The following TEP1 variants were observed in gnomAD, a reference collection of about 807,000 sequenced individuals.
TEP1 encodes the protein telomerase associated protein 1, also known as telomerase protein component 1.
Under a neutral mutation model 306.3 loss-of-function variants are expected in TEP1, and 241 were observed. The observed-to-expected ratio is 0.79, with a 90% CI of 0.71 to 0.88. The LOEUF is 0.88. Ranked by LOEUF, TEP1 falls within the 40% of genes least tolerant of loss-of-function variation. The probability of loss-of-function intolerance (pLI) is 0.00; values close to 1 mark genes in which losing one functional copy is unlikely to be tolerated. For missense variants in TEP1, 3,051 were observed against 3,276.1 expected (o/e 0.93, Z 1.68); for synonymous variants, 1,289 against 1,305.5 (o/e 0.99, Z 0.27).
At position 20,381,403 on chromosome 14, in the gene TEP1, T is replaced by C. The variant is rs1171498336; in HGVS notation, c.4559-2A>G. ...CGTCACATGTCTTCCAGAGCTGAGC[T>C]GCATGAACAGATATTGAGAAAGGCT... On this transcript the variant is annotated splice_acceptor_variant, in intron 31 of 54. Coordinates refer to ENST00000262715, the MANE Select transcript of TEP1 (RefSeq NM_007110.5). LOFTEE classifies it high-confidence loss of function. This position sits in a 1 kb window ranked among gnomAD's most constrained non-coding sequence, Gnocchi z 4.0. 1 of 1,614,110 alleles carries C rather than the reference T, an allele frequency of 6.2e-7. No individual in the cohort carries two copies. The highest frequency in any genetic ancestry group is 1.1e-5 in the South Asian group (1 of 91,090).
chr14:20,406,552 G>A, intron 2 of TEP1, 152 bp from the exon 3 acceptor site: 1 of 802,088 alleles, frequency 1.2e-6, no homozygotes, highest in South Asian at 1.7e-5. Flanking sequence ...CAGCACTGAT[G>A]TGTCCTGTCT....
At position 20,388,004 on chromosome 14, in the gene TEP1, A is replaced by G. The variant is rs763809958; in HGVS notation, c.2585T>C (p.Ile862Thr). ...TCCTGGGGGTGGTGGAATCTTGAAT[A>G]TTTTGTCCATTTGGCCCACATGTTC... ...LLEHVGQMDK[I>T]FKIPPPPGKT... Residue 862 changes from isoleucine to threonine, a missense_variant, in exon 18 of 55, where the codon ATA (isoleucine) becomes ACA (threonine). Transcript: ENST00000262715. 1 of 1,613,988 alleles carries G rather than the reference A, an allele frequency of 6.2e-7. No individual in the cohort carries two copies. Among genetic ancestry groups the G allele is most frequent in the South Asian group, 1.1e-5 (1 of 91,046 alleles).
chr14:20,377,588 C>G lies in TEP1; in HGVS notation c.5875+12G>C. 6.2e-7 allele frequency: 1 copy of G among 1,614,106 alleles called. No individual in the cohort carries two copies. Among genetic ancestry groups the G allele is most frequent in the Non-Finnish European group, 8.5e-7 (1 of 1,179,984 alleles). On this transcript the variant is annotated intron_variant, in intron 40 of 54. Coordinates refer to ENST00000262715, the MANE Select transcript of TEP1 (RefSeq NM_007110.5). The stretch of plus-strand genomic sequence containing the variant: ...TAAAGGCTCAAAAACCCACCCATTC[C>G]CATTTCAGTACCTGAAGAGATTTTG...
chr14:20,368,291 A>G lies in TEP1; in HGVS notation c.*146T>C. 1.2e-6 allele frequency: 1 copy of G among 861,558 alleles called. No homozygotes were observed. Among genetic ancestry groups the G allele is most frequent in the Non-Finnish European group, 1.7e-6 (1 of 589,062 alleles). The allele number at this position is 861,558 out of a possible 1,614,324, so 53.4% of individuals were successfully genotyped here. On this transcript the variant is annotated 3_prime_UTR_variant, in exon 55 of 55. Coordinates refer to ENST00000262715, the MANE Select transcript of TEP1 (RefSeq NM_007110.5). ...CTGTTCTAAATCCACATGAGAACACAGGCAGGCCTACACTTGAGATTTTTT... is the reference window on the plus strand; with the variant it reads ...CTGTTCTAAATCCACATGAGAACACGGGCAGGCCTACACTTGAGATTTTTT...
intron 12 of TEP1, among the ~76,000 whole-genome samples, chr14:20,393,636 AC>A (rs1877926713): frequency 6.6e-6 from 1 of 152,178 alleles, no homozygotes; most frequent in South Asian, 2.1e-4. Context: ...TACTAAAAAT[AC>A]AAAAATTAGC....
At position 20,384,439 on chromosome 14, in the gene TEP1, C is replaced by A; in HGVS notation, c.3291G>T (p.Gln1097His). The A allele has an allele frequency of 6.2e-7, 1 of 1,614,200 alleles. No homozygotes were observed. Among genetic ancestry groups the A allele is most frequent in the East Asian group, 2.2e-5 (1 of 44,876 alleles). ...TATTCCATACATCCTGCAGAACCAA[C>A]TGCCCAAACTCCTCCAGCCCGCCAA... ...PYVGGLEEFG[Q>H]LVLQDVWNMI... is the part of the protein sequence containing the mutation. The change falls in exon 23 of 55, where the codon CAG becomes CAT. Residue 1097 changes from glutamine to histidine, a missense_variant. Coordinates refer to ENST00000262715, the MANE Select transcript of TEP1 (RefSeq NM_007110.5).
chr14:20,383,210 G>T lies in TEP1; in HGVS notation c.4011C>A (p.Tyr1337Ter). 2 of 1,612,566 alleles carry T rather than the reference G, an allele frequency of 1.2e-6. No homozygotes were observed. Among genetic ancestry groups the T allele is most frequent in the South Asian group, 1.1e-5 (1 of 90,896 alleles). The change falls in exon 27 of 55, where the codon TAC becomes TAA. Residue 1337 changes from tyrosine to a stop codon, truncating the protein, a stop_gained. Transcript: ENST00000262715. LOFTEE classifies it high-confidence loss of function. ...ATGGTGACTCCTCCAGCCGCTTCCC[G>T]TACAGGGCCAGCTCCTCTCTCACCA... ...ARLVREELAL[Y>*]GKRLEESPFN...
rs1878911125 is a variant in TEP1 at position 20,403,368 on chromosome 14, G to A, written c.1266+9C>T. 6.8e-6 allele frequency: 11 copies of A among 1,613,792 alleles called. No individual in the cohort carries two copies. In the South Asian group the frequency reaches 8.8e-5, roughly 13 times the overall value. On this transcript the variant is annotated intron_variant, in intron 7 of 54. Coordinates refer to ENST00000262715, the MANE Select transcript of TEP1 (RefSeq NM_007110.5). ...ATGCACATATACAACCCCAGAAGAAGGGACTCACCTTTCTCTGCTCTTCTC... is the reference window on the plus strand; with the variant it reads ...ATGCACATATACAACCCCAGAAGAAAGGACTCACCTTTCTCTGCTCTTCTC...
chr14:20,381,636 G>T lies in TEP1; in HGVS notation c.4475C>A (p.Pro1492His). Residue 1492 changes from proline to histidine, a missense_variant, in exon 31 of 55, where the codon CCT becomes CAT. By Grantham distance (77) the Pro-to-His change is moderately conservative. Coordinates refer to ENST00000262715, the MANE Select transcript of TEP1 (RefSeq NM_007110.5). This position sits in a 1 kb window ranked among gnomAD's most constrained non-coding sequence, Gnocchi z 4.0. Reference protein sequence around the residue: ...LERPGARLCLPDGPLRTAAKR... With the variant: ...LERPGARLCLHDGPLRTAAKR... ...AGCTGCTGTTCTCAGGGGCCCATCAGGGAGGCACAGCCGGGCACCAGGGCG... is the reference window on the plus strand; with the variant it reads ...AGCTGCTGTTCTCAGGGGCCCATCATGGAGGCACAGCCGGGCACCAGGGCG... 1 of 1,613,882 alleles carries T rather than the reference G, an allele frequency of 6.2e-7. No individual in the cohort carries two copies. Among genetic ancestry groups the T allele is most frequent in the South Asian group, 1.1e-5 (1 of 91,064 alleles).
In TEP1 at chr14:20,387,970, C is replaced by G. The variant is rs375452214; in HGVS notation, c.2619G>C (p.Gly873=). The change falls in exon 18 of 55, where the codon GGG becomes GGC. Residue 873 remains glycine, a synonymous_variant. Coordinates refer to ENST00000262715, the MANE Select transcript of TEP1 (RefSeq NM_007110.5). ...FKIPPPPGKT[G]VQSLRPLEED... ...CTTCCAGTGGCCGGAGAGACTGGAC[C>G]CCTGTCTTTCCTGGGGGTGGTGGAA... 1.2e-5 allele frequency: 19 copies of G among 1,613,890 alleles called. No homozygotes were observed. In the Middle Eastern group the frequency reaches 4.9e-4, roughly 42 times the overall value.
intron 17 of TEP1, among the ~76,000 whole-genome samples, chr14:20,388,319 C>T (rs370161233): frequency 3.3e-5 from 5 of 152,094 alleles, no homozygotes; most frequent in African/African-American, 1.2e-4. Context: ...GCTGTTGGGC[C>T]GGGGCAACGG....
At position 20,407,004 on chromosome 14, in the gene TEP1, G is replaced by T. The variant is rs527927823; in HGVS notation, c.568-604C>A. On this transcript the variant is annotated intron_variant, in intron 2 of 54. Transcript: ENST00000262715. ...AATTAAAGCTCTAAAGGGTTAAGAGGTTGCCCAAGGTTGCATAGTTTGTAA... is the reference window on the plus strand; with the variant it reads ...AATTAAAGCTCTAAAGGGTTAAGAGTTTGCCCAAGGTTGCATAGTTTGTAA... 3.0e-3 allele frequency among the ~76,000 whole-genome samples: 461 copies of T among 152,340 alleles called. 3 individuals carry two copies. Among genetic ancestry groups the T allele is most frequent in the South Asian group, 0.016 (77 of 4,830 alleles).
rs1049753848 is a variant in TEP1 at position 20,369,401 on chromosome 14, A to T, written c.7599T>A (p.Ser2533Arg). 1.9e-6 allele frequency: 3 copies of T among 1,614,030 alleles called. No individual in the cohort carries two copies. Among genetic ancestry groups the T allele is most frequent in the Non-Finnish European group, 2.5e-6 (3 of 1,180,026 alleles). ...TTGGCTCACTATCCATGCTGGCATCACTATCCATGCTGGCATCAGATTCCC... is the reference window on the plus strand; with the variant it reads ...TTGGCTCACTATCCATGCTGGCATCTCTATCCATGCTGGCATCAGATTCCC... ...TCRESDASMDSDASMDSEPTP... is the reference protein window; with the variant it reads ...TCRESDASMDRDASMDSEPTP... Residue 2533 changes from serine to arginine, a missense_variant, in exon 53 of 55, where the codon AGT becomes AGA. Ser to Arg is a moderately radical substitution (Grantham distance 110). Coordinates refer to ENST00000262715, the MANE Select transcript of TEP1 (RefSeq NM_007110.5).
chr14:20,395,682 T>C, intron 11 of TEP1, 55 bp from the exon 12 acceptor site: 2 of 1,564,428 alleles, frequency 1.3e-6, no homozygotes, highest in Admixed American at 3.5e-5. Context: ...CCTCATCTTT[T>C]CCTACCAGTA....
chr14:20,401,307 G>A lies in TEP1; in HGVS notation c.1391+150C>T, dbSNP rs1878717289. The stretch of plus-strand genomic sequence containing the variant: ...TTTACAGGTGAGTCAGAAAAGGAAA[G>A]GCAGCAATTGGAAAGGCAGTCATGT... On this transcript the variant is annotated intron_variant, in intron 8 of 54. Transcript: ENST00000262715. 4 of 1,367,192 alleles carry A rather than the reference G, an allele frequency of 2.9e-6. No individual in the cohort carries two copies. In the South Asian group the frequency reaches 4.4e-5, roughly 15 times the overall value. 84.7% of individuals were successfully genotyped at this position (1,367,192 alleles called of 1,614,324 possible).
chr14:20,396,811 A>T, intron 9 of TEP1, 81 bp from the exon 10 acceptor site: 5 of 970,958 alleles, frequency 5.1e-6, no homozygotes, highest in Non-Finnish European at 6.2e-6. Context: ...CTCAGCTACC[A>T]AGGAGGCTGA....
intron 5 of TEP1, among the ~76,000 whole-genome samples, 195 bp from the exon 6 acceptor site, chr14:20,404,079 T>G (rs1225423093): frequency 6.6e-6 from 1 of 152,094 alleles, no homozygotes; most frequent in Non-Finnish European, 1.5e-5. Context: ...CTGGGCAGGG[T>G]GGCTCACCTT....
At position 20,378,010 on chromosome 14, in the gene TEP1, C is replaced by G. The variant is rs752287032; in HGVS notation, c.5721+14G>C. 2 of 1,612,354 alleles carry G rather than the reference C, an allele frequency of 1.2e-6. No homozygotes were observed. The highest frequency in any genetic ancestry group is 2.2e-5 in the South Asian group (2 of 91,068). ...TCCTCCTCACAACCCACCACCAGCC[C>G]TCTGCAAGCTGACCTTGCCATCCTC... On this transcript the variant is annotated intron_variant, in intron 39 of 54. Transcript: ENST00000262715.
At chr14:20,385,969 C>A (rs1877107071) in intron 20 of TEP1, 106 bp downstream of exon 20, 10 of 1,445,618 alleles carry the variant, frequency 6.9e-6, no homozygotes, top group Non-Finnish European at 9.2e-6. Context: ...GTCTCAAGGA[C>A]CTGCCTGTTC....
Sources: allele counts gnomAD v4.1 joint callset (sites outside exome capture counted in the v4.1 genomes callset), GRCh38; gene constraint gnomAD v4.1.1; non-coding constraint Gnocchi (gnomAD v3.1); transcripts MANE v1.5; gene names NCBI Gene and HGNC (gene_info 2026-07-23, HGNC 2026-07-21).